SDC2: variants seen among roughly 807,000 people sequenced by gnomAD.
SDC2 encodes the protein syndecan-2.
SDC2 carries 13 observed loss-of-function variants against 22.2 expected under a neutral mutation model. The ratio of observed to expected loss-of-function variants is 0.59; its 90% CI spans 0.38 to 0.93. The LOEUF is 0.93. Among genes scored for constraint, SDC2 ranks in the 40% least tolerant of loss-of-function variants. SDC2 has a pLI of 0.00. For synonymous variants in SDC2, 94 were observed against 92.8 expected, an observed-to-expected ratio of 1.01 and a Z score of -0.07; for missense variants, 235 against 246.8, an observed-to-expected ratio of 0.95 and a Z score of 0.32.
intron 1 of SDC2, among the ~76,000 whole-genome samples, chr8:96,523,389 T>C (rs935575528): frequency 6.6e-5 from 10 of 152,244 alleles, no homozygotes; most frequent in African/African-American, 2.4e-4. Context: ...CATATTTGAA[T>C]GTGTTACTTA....
rs199532810 is a variant in SDC2, at chr8:96,572,594, T to TAA, written c.61-20879_61-20878dup. On this transcript the variant is annotated intron_variant, in intron 1 of 4. Transcript: ENST00000302190. ...CTAGGTGCTGTGTAAGCTAATTTGT[T>TAA]AAAAAAAACAACAAAGGCCCCATGT... Among the ~76,000 whole-genome samples, 4 of 151,872 alleles carry TAA rather than the reference T, an allele frequency of 2.6e-5. No individual in the cohort carries two copies. In the East Asian group the frequency reaches 7.7e-4, roughly 29 times the overall value.
chr8:96,588,101 T>G (rs1814717286), intron 1 of SDC2, among the ~76,000 whole-genome samples: 1 of 152,206 alleles, frequency 6.6e-6, no homozygotes, highest in Admixed American at 6.5e-5. Context: ...CTGATGTCAC[T>G]CATGTTGTGG....
chr8:96,557,686 TAGTG>T (rs992424340), intron 1 of SDC2, among the ~76,000 whole-genome samples: 66 of 152,154 alleles, frequency 4.3e-4, no homozygotes, highest in African/African-American at 1.5e-3. Context: ...GATGACGAGT[TAGTG>T]GGTGCAGCGC....
chr8:96,592,354 A>AT (rs1193219659), intron 1 of SDC2, among the ~76,000 whole-genome samples: 2 of 152,206 alleles, frequency 1.3e-5, no homozygotes, highest in Non-Finnish European at 2.9e-5. Flanking sequence ...TTATTTTAAG[A>AT]TTAAATCTAA....
intron 1 of SDC2, among the ~76,000 whole-genome samples, chr8:96,515,893 T>TA (rs1813394061): frequency 6.6e-6 from 1 of 152,072 alleles, no homozygotes; most frequent in South Asian, 2.1e-4. Flanking sequence ...AGGTGGAAAA[T>TA]ACTGCCCAAC....
intron 1 of SDC2, among the ~76,000 whole-genome samples, chr8:96,498,143 G>T (rs1274210198): frequency 6.6e-6 from 1 of 152,196 alleles, no homozygotes; most frequent in African/African-American, 2.4e-5. Context: ...CGTCCAGTCT[G>T]CCTCTAAGTC....
Position 96,602,471 on chromosome 8 carries a change from T to A in SDC2, c.249T>A (p.Ala83=), listed in dbSNP as rs1247007722. The change falls in exon 3 of 5, where the codon GCT becomes GCA. Residue 83 remains alanine, a synonymous_variant. Coordinates refer to ENST00000302190, the MANE Select transcript of SDC2 (RefSeq NM_002998.4). The stretch of plus-strand genomic sequence containing the variant: ...CAAAGATACTGTTGACTAGTGCTGC[T>A]CCAAAAGTGGAAACCACGACGCTGA... ...PLPKILLTSA[A]PKVETTTLNI... 1.9e-6 allele frequency: 3 copies of A among 1,613,998 alleles called. No homozygotes were observed. The highest frequency in any genetic ancestry group is 1.1e-5 in the South Asian group (1 of 91,078).
chr8:96,560,903 C>T (rs192941945), intron 1 of SDC2, among the ~76,000 whole-genome samples: 14 of 152,130 alleles, frequency 9.2e-5, no homozygotes, highest in African/African-American at 2.9e-4. Flanking sequence ...GTCAGGAGTT[C>T]GAGACCAGCC....
rs573137010 is a variant in SDC2, at chr8:96,570,037, G to T, written c.61-23443G>T. On this transcript the variant is annotated intron_variant, in intron 1 of 4. Coordinates refer to ENST00000302190, the MANE Select transcript of SDC2 (RefSeq NM_002998.4). ...TGTGATTTGTTGATCTAACACGCAG[G>T]ATGCTAAGTGCTAGGCATTGTTGAA... is the stretch of plus-strand genomic sequence containing the variant. Among the ~76,000 whole-genome samples the T allele has an allele frequency of 7.2e-5, 11 of 152,342 alleles. No individual in the cohort carries two copies. The South Asian group carries it at 2.3e-3, about 32-fold the overall frequency.
At chr8:96,515,728 A>G (rs768156745) in intron 1 of SDC2, among the ~76,000 whole-genome samples, 2 of 152,238 alleles carry the variant, frequency 1.3e-5, no homozygotes, top group Non-Finnish European at 2.9e-5. Context: ...CAAAAAGATC[A>G]TGAGGCCACG....
intron 1 of SDC2, among the ~76,000 whole-genome samples, chr8:96,526,012 G>A (rs545706471): frequency 1.2e-4 from 19 of 152,190 alleles, no homozygotes; most frequent in African/African-American, 4.6e-4. Flanking sequence ...CTTGAATGGA[G>A]GCTTATCAAA....
intron 1 of SDC2, among the ~76,000 whole-genome samples, chr8:96,535,624 T>C (rs1813742568): frequency 6.6e-6 from 1 of 152,240 alleles, no homozygotes; most frequent in African/African-American, 2.4e-5. Context: ...GGGGTAGAGA[T>C]ATATATCGAC....
At chr8:96,559,862 CA>C (rs1814179288) in intron 1 of SDC2, among the ~76,000 whole-genome samples, 1 of 152,124 alleles carries the variant, frequency 6.6e-6, no homozygotes, top group African/African-American at 2.4e-5. Flanking sequence ...TGTTTTGGAA[CA>C]AAACACCTAG....
chr8:96,499,212 C>A (rs1813122516), intron 1 of SDC2, among the ~76,000 whole-genome samples: 1 of 152,166 alleles, frequency 6.6e-6, no homozygotes, highest in Admixed American at 6.5e-5. Context: ...GCTCCAAATA[C>A]CTTTTCATGG....
At chr8:96,606,460 T>A (rs905596417) in intron 3 of SDC2, among the ~76,000 whole-genome samples, 1 of 152,154 alleles carries the variant, frequency 6.6e-6, no homozygotes. Context: ...GAATGGGACT[T>A]CTCTAATCCA....
intron 1 of SDC2, among the ~76,000 whole-genome samples, chr8:96,518,652 T>A (rs919582154): frequency 2.6e-4 from 39 of 152,200 alleles, no homozygotes; most frequent in African/African-American, 9.2e-4. Context: ...CCACCGTGCC[T>A]GGCCTACCTT....
rs1815120820 is a variant in SDC2 at position 96,608,415 on chromosome 8, T to C, written c.387T>C (p.Asn129=). 6.2e-7 allele frequency: 1 copy of C among 1,613,920 alleles called. No individual in the cohort carries two copies. Among genetic ancestry groups the C allele is most frequent in the African/African-American group, 1.3e-5 (1 of 75,034 alleles). The change falls in exon 4 of 5, where the codon AAT becomes AAC. Residue 129 remains asparagine, a synonymous_variant. Transcript: ENST00000302190. The part of the protein sequence containing the change: ...RKMDPAEEDT[N]VYTEKHSDSL... ...TGGACCCAGCCGAAGAGGATACAAA[T>C]GTGTATACTGAGAAACACTCAGACA...
intron 1 of SDC2, among the ~76,000 whole-genome samples, chr8:96,522,102 T>G (rs1813505851): frequency 6.6e-6 from 1 of 152,236 alleles, no homozygotes; most frequent in Non-Finnish European, 1.5e-5. Flanking sequence ...GATGCCCTAT[T>G]GAGATATAGT....
chr8:96,594,096 A>G (rs1429485442), intron 2 of SDC2, among the ~76,000 whole-genome samples: 1 of 152,198 alleles, frequency 6.6e-6, no homozygotes, highest in African/African-American at 2.4e-5. Context: ...GCAGCAGCCA[A>G]GTAAAATGAT....
Sources: allele counts gnomAD v4.1 joint callset (sites outside exome capture counted in the v4.1 genomes callset), GRCh38; gene constraint gnomAD v4.1.1; transcripts MANE v1.5; gene names NCBI Gene and HGNC (gene_info 2026-07-23, HGNC 2026-07-21).